The following CNTN5 variants were observed in gnomAD, a reference collection of about 807,000 sequenced individuals.
CNTN5 encodes the protein contactin 5.
A neutral mutation model predicts 129.1 loss-of-function variants in CNTN5; 77 were observed. The ratio of observed to expected loss-of-function variants is 0.60; its 90% CI spans 0.50 to 0.72. The LOEUF (loss-of-function observed/expected upper bound fraction) is 0.72, where lower values mean the gene tolerates loss of function less well. Among genes scored for constraint, CNTN5 ranks in the 30% least tolerant of loss-of-function variants. The pLI, the probability that CNTN5 is intolerant of heterozygous loss-of-function variation, is 0.00. For missense variants in CNTN5, 1,478 were observed against 1,328.8 expected (o/e 1.11, Z -1.75); for synonymous variants, 509 against 465.6 (o/e 1.09, Z -1.20).
At chr11:99,189,635 C>T (rs1858529442) in intron 1 of CNTN5, among the ~76,000 whole-genome samples, 1 of 151,566 alleles carries the variant, frequency 6.6e-6, no homozygotes, top group Admixed American at 6.6e-5. Flanking sequence ...TGATTAGTTA[C>T]ATTTCTATGA....
At chr11:99,424,401 A>G (rs1943028638) in intron 2 of CNTN5, among the ~76,000 whole-genome samples, 1 of 152,208 alleles carries the variant, frequency 6.6e-6, no homozygotes, top group Non-Finnish European at 1.5e-5. Flanking sequence ...TGCTGCACTC[A>G]GCTCATGCTG....
chr11:99,654,847 C>T lies in CNTN5; in HGVS notation c.55+98578C>T, dbSNP rs543077309. On this transcript the variant is annotated intron_variant, in intron 3 of 24. Transcript: ENST00000524871. ...TTTTGTAAACATAATAGATTTGTTG[C>T]CTGATGTACACAGCAAGTCAGTGTG... Among the ~76,000 whole-genome samples the T allele has an allele frequency of 1.4e-4, 21 of 152,120 alleles. No individual in the cohort carries two copies. The South Asian group carries it at 4.4e-3, about 32-fold the overall frequency.
intron 8 of CNTN5, among the ~76,000 whole-genome samples, chr11:99,974,619 C>G (rs1453573): frequency 0.99 from 151,124 of 152,296 alleles, 74,991 homozygotes; most frequent in Middle Eastern, 1. Context: ...ACTAGGAAGA[C>G]TATATGGAGC....
intron 13 of CNTN5, among the ~76,000 whole-genome samples, chr11:100,091,095 C>G (rs537622493): frequency 3.3e-5 from 5 of 152,228 alleles, no homozygotes; most frequent in East Asian, 1.9e-4. Flanking sequence ...TTGTCTTTCT[C>G]TTTGTCCCAT....
intron 1 of CNTN5, among the ~76,000 whole-genome samples, chr11:99,279,270 G>A (rs889318189): frequency 6.6e-6 from 1 of 151,776 alleles, no homozygotes; most frequent in African/African-American, 2.4e-5. Flanking sequence ...AAATACATAT[G>A]TGTCTCAACT....
intron 1 of CNTN5, among the ~76,000 whole-genome samples, chr11:99,240,626 C>T (rs1355292382): frequency 6.6e-6 from 1 of 152,084 alleles, no homozygotes; most frequent in African/African-American, 2.4e-5. Flanking sequence ...GGTCTTGCAA[C>T]TTTTGGATCC....
intron 2 of CNTN5, among the ~76,000 whole-genome samples, chr11:99,383,992 G>A (rs1316344846): frequency 6.6e-6 from 1 of 152,058 alleles, no homozygotes; most frequent in Non-Finnish European, 1.5e-5. Flanking sequence ...AAGACCAGGA[G>A]GGTTTTATCC....
chr11:99,423,502 C>A (rs1262961778), intron 2 of CNTN5, among the ~76,000 whole-genome samples: 1 of 152,180 alleles, frequency 6.6e-6, no homozygotes, highest in East Asian at 1.9e-4. Flanking sequence ...AAAGTACTTA[C>A]ATTTTCAGGT....
At chr11:100,285,299 G>A (rs1950751676) in intron 18 of CNTN5, among the ~76,000 whole-genome samples, 1 of 152,098 alleles carries the variant, frequency 6.6e-6, no homozygotes, top group Non-Finnish European at 1.5e-5. Flanking sequence ...TTGCAGCTCT[G>A]CAGTCAACTT....
At chr11:100,189,742 C>G (rs147514898) in intron 13 of CNTN5, among the ~76,000 whole-genome samples, 2 of 152,160 alleles carry the variant, frequency 1.3e-5, no homozygotes, top group East Asian at 3.9e-4. Context: ...CATTGACAAT[C>G]TTGAATGCAT....
At chr11:99,587,206 G>A (rs1174084546) in intron 3 of CNTN5, among the ~76,000 whole-genome samples, 3 of 152,218 alleles carry the variant, frequency 2.0e-5, no homozygotes, top group Non-Finnish European at 4.4e-5. Flanking sequence ...TGACAACAGA[G>A]AGAGAAGCGG....
At chr11:99,626,987 A>G (rs999446219) in intron 3 of CNTN5, among the ~76,000 whole-genome samples, 2 of 152,114 alleles carry the variant, frequency 1.3e-5, no homozygotes, top group Non-Finnish European at 2.9e-5. Context: ...TCATTGTTCA[A>G]TTTTCCGTAG....
chr11:100,309,557 A>G, intron 21 of CNTN5: 1 of 982,130 alleles, frequency 1.0e-6, no homozygotes, highest in Non-Finnish European at 1.2e-6. Context: ...GTATCTCATT[A>G]TGATTGCATG....
chr11:99,766,133 G>A (rs1431196966), intron 3 of CNTN5, among the ~76,000 whole-genome samples: 4 of 152,064 alleles, frequency 2.6e-5, no homozygotes, highest in South Asian at 4.2e-4. Context: ...AGATAAACAT[G>A]TTTTTGGAAA....
Position 99,310,710 on chromosome 11 carries a change from T to A in CNTN5, c.-209-14636T>A, listed in dbSNP as rs561069898. ...CTATAAACATGTAGCCATTTCCTGA[T>A]TTATAGCAACAATGATGGGTTTGGC... On this transcript the variant is annotated intron_variant, in intron 1 of 24. Transcript: ENST00000524871. Among the ~76,000 whole-genome samples the A allele has an allele frequency of 3.3e-5, 5 of 152,306 alleles. No individual in the cohort carries two copies. In the East Asian group the frequency reaches 9.6e-4, roughly 29 times the overall value.
intron 1 of CNTN5, among the ~76,000 whole-genome samples, chr11:99,214,604 T>C (rs368996738): frequency 3.3e-5 from 5 of 152,080 alleles, no homozygotes; most frequent in East Asian, 1.9e-4. Flanking sequence ...TAAGGCCCAA[T>C]TGACAGATCT....
chr11:99,480,155 G>T (rs117571369), intron 2 of CNTN5, among the ~76,000 whole-genome samples: 35 of 152,130 alleles, frequency 2.3e-4, no homozygotes, highest in Admixed American at 1.3e-4. Flanking sequence ...ATATGATGGA[G>T]TGTTAGTTGT....
rs1444784749 is a variant in CNTN5 at position 100,071,772 on chromosome 11, A to G, written c.1367A>G (p.Tyr456Cys). Residue 456 changes from tyrosine to cysteine, a missense_variant, in exon 12 of 25, where the codon TAT (tyrosine) becomes TGT (cysteine). Physicochemically the swap from Tyr to Cys is radical, Grantham distance 194 (BLOSUM62 -2). Transcript: ENST00000524871. ...HNVNQSDAGM[Y>C]QCLAENKYGA... ...GTGAATCAATCAGATGCTGGAATGT[A>G]TCAGTGTTTGGCTGAAAATAAGTAT... The G allele has an allele frequency of 6.2e-7, 1 of 1,605,710 alleles. No homozygotes were observed. The highest frequency in any genetic ancestry group is 1.1e-5 in the South Asian group (1 of 89,580).
intron 1 of CNTN5, among the ~76,000 whole-genome samples, chr11:99,210,330 AT>A (rs1260920363): frequency 6.6e-6 from 1 of 152,154 alleles, no homozygotes; most frequent in African/African-American, 2.4e-5. Flanking sequence ...ATATCATAAC[AT>A]TTAGAACATT....
Sources: gnomAD v4.1 joint callset for allele counts (sites outside exome capture counted in the v4.1 genomes callset) on GRCh38, gnomAD v4.1.1 for gene constraint, MANE v1.5 for transcripts, NCBI Gene and HGNC (gene_info 2026-07-23, HGNC 2026-07-21) for gene names.